FBXW4: variants seen among roughly 807,000 people sequenced by gnomAD.
The protein encoded by FBXW4 is F-box and WD repeat domain containing 4, also known as F-box/WD repeat-containing protein 4.
In FBXW4, 40 loss-of-function variants were observed where a neutral mutation model predicts 61.8. The ratio of observed to expected loss-of-function variants is 0.65; its 90% CI spans 0.50 to 0.84. The LOEUF is 0.84. Ranked by LOEUF, FBXW4 falls within the 40% of genes least tolerant of loss-of-function variation. The probability of loss-of-function intolerance (pLI) is 0.00; values close to 1 mark genes in which losing one functional copy is unlikely to be tolerated. For synonymous variants in FBXW4, 311 were observed against 313.8 expected (o/e 0.99, Z 0.10); for missense variants, 672 against 753.8 (o/e 0.89, Z 1.27).
intron 1 of FBXW4, among the ~76,000 whole-genome samples, chr10:101,686,232 A>G (rs2064532046): frequency 6.6e-6 from 1 of 152,168 alleles, no homozygotes; most frequent in Non-Finnish European, 1.5e-5. Context: ...GCAGTGAAAA[A>G]AAGAATTTTA....
At chr10:101,647,159 C>T (rs148292366) in intron 5 of FBXW4, among the ~76,000 whole-genome samples, 1,578 of 152,274 alleles carry the variant, frequency 0.01, 25 homozygotes, top group African/African-American at 0.032. Context: ...TTTCTGGGTC[C>T]CAGGCCTGGG....
rs761929220 is a variant in FBXW4, at chr10:101,624,765, CAG to C, written c.1279_1280del (p.Leu427GlufsTer17). 3 of 1,614,084 alleles carry C rather than the reference CAG, an allele frequency of 1.9e-6. No individual in the cohort carries two copies. The African/African-American group carries it at 4.0e-5, about 22-fold the overall frequency. ...CTTACCTGTTGAGGTCCCAGATTCT[CAG>C]GGGTGAGAAGTGCCCGCAACAAGCC... ...GTACCGHFSP[L>X]RIWDLNSGQL... On this transcript the variant is annotated frameshift_variant, in exon 6 of 9. Coordinates refer to ENST00000331272, the MANE Select transcript of FBXW4 (RefSeq NM_022039.4). LOFTEE classifies it high-confidence loss of function.
Position 101,694,409 on chromosome 10 carries a change from A to C in FBXW4, c.697T>G (p.Ser233Ala). 6.0e-6 allele frequency: 9 copies of C among 1,501,246 alleles called. No individual in the cohort carries two copies. In the Admixed American group the frequency reaches 1.3e-4, roughly 22 times the overall value. 93.0% of individuals were successfully genotyped at this position (1,501,246 alleles called of 1,614,324 possible). ...WRRIARASLN[S>A]GFTRLGTDLM... ...TCGGTGCCGAGCCGCGTGAAGCCGG[A>C]GTTGAGCGAGGCCCGGGCTATCCGG... The change falls in exon 1 of 9, where the codon TCC becomes GCC. Residue 233 changes from serine (S) to alanine (A), a missense_variant. This residue lies in a region of FBXW4 where 311 missense variants were observed against 301.1 expected (regional missense o/e 1.03). Coordinates refer to ENST00000331272, the MANE Select transcript of FBXW4 (RefSeq NM_022039.4). The surrounding 1 kb of genome is among the most constrained non-coding windows in gnomAD (Gnocchi z 6.0).
chr10:101,624,540 A>G (rs1174570768), intron 6 of FBXW4, among the ~76,000 whole-genome samples: 2 of 152,210 alleles, frequency 1.3e-5, no homozygotes, highest in African/African-American at 4.8e-5. Context: ...ACATGAAACT[A>G]TTTACCTATT....
In FBXW4 at chr10:101,612,453, GC is replaced by G. The variant is rs2063795785; in HGVS notation, c.1325del (p.Gly442AlafsTer91). 1 of 1,587,696 alleles carries G rather than the reference GC, an allele frequency of 6.3e-7. No homozygotes were observed. Among genetic ancestry groups the G allele is most frequent in the Non-Finnish European group, 8.6e-7 (1 of 1,166,420 alleles). ...LNSGQLMTHL[G>X]SDFPPGAGVL... ...CCCCAGCCCCTGGGGGAAAGTCACT[GC>G]CCAAGTGTGTCATCAGCTGCCCACT... On this transcript the variant is annotated frameshift_variant, in exon 7 of 9. Coordinates refer to ENST00000331272, the MANE Select transcript of FBXW4 (RefSeq NM_022039.4). LOFTEE classifies it high-confidence loss of function.
intron 5 of FBXW4, among the ~76,000 whole-genome samples, chr10:101,642,098 A>T (rs1425851753): frequency 1.3e-5 from 2 of 152,154 alleles, no homozygotes; most frequent in African/African-American, 4.8e-5. Flanking sequence ...CCTGAGAGGC[A>T]GAGGTTGCAG....
chr10:101,665,678 C>G (rs1031613485), intron 5 of FBXW4, among the ~76,000 whole-genome samples: 3 of 152,150 alleles, frequency 2.0e-5, no homozygotes, highest in African/African-American at 7.2e-5. Context: ...GGCCAAAAAA[C>G]CCAAAATCAG....
intron 5 of FBXW4, among the ~76,000 whole-genome samples, chr10:101,632,423 C>A (rs1272591135): frequency 1.3e-5 from 2 of 152,104 alleles, no homozygotes; most frequent in Non-Finnish European, 2.9e-5. Context: ...AGAATGCCTA[C>A]AGAGAAACAC....
chr10:101,670,991 T>TCCC (rs2064353393), intron 4 of FBXW4, among the ~76,000 whole-genome samples: 1 of 152,180 alleles, frequency 6.6e-6, no homozygotes, highest in South Asian at 2.1e-4. Flanking sequence ...TTTGGGAAAC[T>TCCC]CCCCAAAAAT....
At chr10:101,627,837 C>T (rs1328237679) in intron 5 of FBXW4, 2 of 442,552 alleles carry the variant, frequency 4.5e-6, no homozygotes, top group Non-Finnish European at 6.0e-6. Context: ...GTTACCCCCA[C>T]ACTCAGACTC....
intron 5 of FBXW4, among the ~76,000 whole-genome samples, chr10:101,647,877 T>C (rs888866036): frequency 1.3e-5 from 2 of 152,198 alleles, no homozygotes; most frequent in African/African-American, 4.8e-5. Context: ...GTCCAGTTAC[T>C]AGAGAAAACC....
rs1355114600 is a variant in FBXW4, at chr10:101,695,116, G to C, written c.-11C>G. 7.1e-6 allele frequency: 7 copies of C among 985,326 alleles called. No individual in the cohort carries two copies. In the African/African-American group the frequency reaches 1.0e-4, roughly 15 times the overall value. 61.0% of individuals were successfully genotyped at this position (985,326 alleles called of 1,614,324 possible). A position where few individuals can be genotyped will look rare whatever the true frequency, so the allele number is the denominator to read the frequency against. ...GCCCTGGCTGCCCATGAGCGGCCGCGGGGCCGGCCCGACGCGGAGCCCAGC... is the reference window on the plus strand; with the variant it reads ...GCCCTGGCTGCCCATGAGCGGCCGCCGGGCCGGCCCGACGCGGAGCCCAGC... On this transcript the variant is annotated 5_prime_UTR_variant, in exon 1 of 9. Transcript: ENST00000331272. This position sits in a 1 kb window ranked among gnomAD's most constrained non-coding sequence, Gnocchi z 4.2.
intron 1 of FBXW4, among the ~76,000 whole-genome samples, chr10:101,688,400 G>C (rs182208577): frequency 6.6e-6 from 1 of 152,302 alleles, no homozygotes; most frequent in East Asian, 1.9e-4. Flanking sequence ...AAAGAGGGGC[G>C]GCAGGCACAG....
chr10:101,643,301 T>C (rs2064069477), intron 5 of FBXW4, among the ~76,000 whole-genome samples: 1 of 152,198 alleles, frequency 6.6e-6, no homozygotes, highest in African/African-American at 2.4e-5. Flanking sequence ...TTGCCAACTG[T>C]CCAAGGTGGA....
chr10:101,687,846 TC>T (rs1287728088), intron 1 of FBXW4, among the ~76,000 whole-genome samples: 1 of 152,114 alleles, frequency 6.6e-6, no homozygotes, highest in Non-Finnish European at 1.5e-5. Flanking sequence ...AAACACCCCA[TC>T]ACCAGGCAAC....
At chr10:101,628,308 A>G (rs2063923460) in intron 5 of FBXW4, among the ~76,000 whole-genome samples, 1 of 152,158 alleles carries the variant, frequency 6.6e-6, no homozygotes, top group Admixed American at 6.5e-5. Flanking sequence ...AAGGACATCA[A>G]ATCTGTGCTG....
At chr10:101,626,151 C>T (rs1289287323) in intron 5 of FBXW4, 1 of 152,458 alleles carries the variant, frequency 6.6e-6, no homozygotes, top group Non-Finnish European at 1.5e-5. Flanking sequence ...GCCAAGACTT[C>T]CTCCAGGGAC....
At chr10:101,680,253 T>C (rs1225858516) in intron 1 of FBXW4, among the ~76,000 whole-genome samples, 2 of 152,100 alleles carry the variant, frequency 1.3e-5, no homozygotes, top group African/African-American at 2.4e-5. Context: ...AAACAAAATA[T>C]ATACATATTT....
At chr10:101,639,818 A>T (rs1365570306) in intron 5 of FBXW4, among the ~76,000 whole-genome samples, 1 of 152,188 alleles carries the variant, frequency 6.6e-6, no homozygotes, top group African/African-American at 2.4e-5. Context: ...TGGCAGCACT[A>T]TGGCCTCTGG....
Sources: allele counts gnomAD v4.1 joint callset (sites outside exome capture counted in the v4.1 genomes callset), GRCh38; gene constraint gnomAD v4.1.1; regional missense constraint gnomAD v4.1.1; non-coding constraint Gnocchi (gnomAD v3.1); transcripts MANE v1.5; gene names NCBI Gene and HGNC (gene_info 2026-07-23, HGNC 2026-07-21).